MCF2L2: variants seen among roughly 807,000 people sequenced by gnomAD.
The protein encoded by MCF2L2 is MCF.2 cell line derived transforming sequence-like 2.
A neutral mutation model predicts 150.2 loss-of-function variants in MCF2L2; 102 were observed. The ratio of observed to expected loss-of-function variants is 0.68; its 90% confidence interval spans 0.58 to 0.80. MCF2L2 has a LOEUF of 0.80. MCF2L2 is among the 30% of genes least tolerant of loss of function. The probability of loss-of-function intolerance (pLI) is 0.00; values close to 1 mark genes in which losing one functional copy is unlikely to be tolerated. For synonymous variants in MCF2L2, 465 were observed against 491.3 expected, an observed-to-expected ratio of 0.95 and a Z score of 0.71; for missense variants, 1,256 against 1,372.8, an observed-to-expected ratio of 0.91 and a Z score of 1.34.
chr3:183,414,871 T>A (rs1715507591), intron 1 of MCF2L2, among the ~76,000 whole-genome samples: 1 of 152,238 alleles, frequency 6.6e-6, no homozygotes, highest in Non-Finnish European at 1.5e-5. Context: ...TTCCTTCTGT[T>A]GTTGATTTCT....
chr3:183,310,078 C>T (rs1271174199), intron 9 of MCF2L2, among the ~76,000 whole-genome samples: 1 of 152,102 alleles, frequency 6.6e-6, no homozygotes, highest in Non-Finnish European at 1.5e-5. Context: ...AAAAGGAAGA[C>T]AGCTGGGTCC....
intron 25 of MCF2L2, among the ~76,000 whole-genome samples, chr3:183,199,621 C>CT (rs1163310933): frequency 0.034 from 4,821 of 141,518 alleles, 228 homozygotes; most frequent in African/African-American, 0.11. Flanking sequence ...TTTTTTTTTC[C>CT]TTTTTTTTTT....
At chr3:183,320,577 G>T (rs184276103) in intron 6 of MCF2L2, among the ~76,000 whole-genome samples, 2 of 152,234 alleles carry the variant, frequency 1.3e-5, no homozygotes, top group Admixed American at 6.5e-5. Flanking sequence ...TAATAAAGTT[G>T]AAGAGAACTA....
intron 1 of MCF2L2, among the ~76,000 whole-genome samples, chr3:183,427,509 G>A (rs1477875538): frequency 6.6e-6 from 1 of 152,158 alleles, no homozygotes; most frequent in Non-Finnish European, 1.5e-5. Flanking sequence ...AATCATTTCT[G>A]CTGAAAAGCA....
intron 12 of MCF2L2, chr3:183,296,130 C>G (rs1373222690): frequency 6.6e-6 from 1 of 152,434 alleles, no homozygotes; most frequent in Non-Finnish European, 1.5e-5. Flanking sequence ...TCTTCTCTTC[C>G]TTTCTTTGTG....
intron 15 of MCF2L2, among the ~76,000 whole-genome samples, chr3:183,268,422 G>C (rs1049394059): frequency 6.6e-6 from 1 of 152,160 alleles, no homozygotes; most frequent in African/African-American, 2.4e-5. Context: ...GTCTGGGTGA[G>C]AAGTGATGAT....
chr3:183,290,735 C>T (rs1397256904), intron 13 of MCF2L2, among the ~76,000 whole-genome samples: 6 of 152,074 alleles, frequency 3.9e-5, no homozygotes, highest in Admixed American at 2.6e-4. Flanking sequence ...AGTTTTACCA[C>T]GTTGGACAGG....
intron 1 of MCF2L2, 141 bp downstream of exon 1, chr3:183,427,761 G>C: frequency 1.4e-6 from 1 of 731,296 alleles, no homozygotes; most frequent in Non-Finnish European, 2.4e-6. Context: ...AGGACCCAGA[G>C]CAGCGAGGCC....
chr3:183,192,221 C>T (rs187563450), intron 27 of MCF2L2, among the ~76,000 whole-genome samples: 1 of 151,506 alleles, frequency 6.6e-6, no homozygotes, highest in Non-Finnish European at 1.5e-5. Flanking sequence ...CTCACTGCAA[C>T]CTCCGCCTCC....
intron 10 of MCF2L2, among the ~76,000 whole-genome samples, chr3:183,307,465 C>T (rs958449136): frequency 8.5e-5 from 13 of 152,224 alleles, no homozygotes; most frequent in East Asian, 1.9e-4. Context: ...GAAATAAGAT[C>T]TGCAAGTCAT....
At position 183,227,498 on chromosome 3, in the gene MCF2L2, G is replaced by A. The variant is rs1472696159; in HGVS notation, c.2115+799C>T. Reference sequence around the variant, plus strand: ...GTAAAAAATAGAATGGAAAGAAAATGTATTTCCTGAGGTTTTTAGTTTAAC... The same window carrying A: ...GTAAAAAATAGAATGGAAAGAAAATATATTTCCTGAGGTTTTTAGTTTAAC... On this transcript the variant is annotated intron_variant, in intron 18 of 29. Transcript: ENST00000328913. The surrounding 1 kb of genome is among the most constrained non-coding windows in gnomAD (Gnocchi z 4.0). 4 of 152,248 alleles carry A rather than the reference G, an allele frequency of 2.6e-5. No individual in the cohort carries two copies. Among genetic ancestry groups the A allele is most frequent in the Admixed American group, 6.5e-5 (1 of 15,284 alleles). The allele number at this position is 152,248 out of a possible 1,614,324, so 9.4% of individuals were successfully genotyped here. A position where few individuals can be genotyped will look rare whatever the true frequency, so the allele number is the denominator to read the frequency against.
chr3:183,354,662 C>T (rs1711655036), intron 3 of MCF2L2, among the ~76,000 whole-genome samples: 1 of 152,202 alleles, frequency 6.6e-6, no homozygotes, highest in African/African-American at 2.4e-5. Flanking sequence ...CTGGACCAAA[C>T]CAATGTACAT....
chr3:183,383,692 A>C (rs2108592107), intron 2 of MCF2L2, among the ~76,000 whole-genome samples: 1 of 152,340 alleles, frequency 6.6e-6, no homozygotes, highest in Admixed American at 6.5e-5. Flanking sequence ...GCATGTGGAA[A>C]TACATACTAT....
chr3:183,284,053 C>A lies in MCF2L2; in HGVS notation c.1776+5067G>T, dbSNP rs149754644. 4.8e-3 allele frequency among the ~76,000 whole-genome samples: 729 copies of A among 152,208 alleles called. 5 individuals carry two copies. Among genetic ancestry groups the A allele is most frequent in the African/African-American group, 0.017 (701 of 41,512 alleles). ...ATTTTCATATGACTCACAGCAATTG[C>A]CTTAGTATATATTAAATTGAGCTGA... On this transcript the variant is annotated intron_variant, in intron 14 of 29. Coordinates refer to ENST00000328913, the MANE Select transcript of MCF2L2 (RefSeq NM_015078.4).
At position 183,194,343 on chromosome 3, in the gene MCF2L2, G is replaced by GT. The variant is rs1560334507; in HGVS notation, c.2918+878dup. Among the ~76,000 whole-genome samples, 6 of 152,322 alleles carry GT rather than the reference G, an allele frequency of 3.9e-5. No homozygotes were observed. The South Asian group carries it at 1.0e-3, about 26-fold the overall frequency. ...GGAAGAGGAATTATAGACGAAGATTGTAAGTCGCAGTAATAGATGAGGCAA... is the reference window on the plus strand; with the variant it reads ...GGAAGAGGAATTATAGACGAAGATTGTTAAGTCGCAGTAATAGATGAGGCAA... On this transcript the variant is annotated intron_variant, in intron 26 of 29. Coordinates refer to ENST00000328913, the MANE Select transcript of MCF2L2 (RefSeq NM_015078.4).
At chr3:183,338,949 A>G (rs1428744198) in intron 4 of MCF2L2, 30 bp from the exon 5 acceptor site, 13 of 1,583,172 alleles carry the variant, frequency 8.2e-6, no homozygotes, top group Non-Finnish European at 1.1e-5. Context: ...TGTCAGGAGG[A>G]GAGAGAAAAA....
At chr3:183,400,501 AG>A (rs1232132592) in intron 1 of MCF2L2, 2 of 456,396 alleles carry the variant, frequency 4.4e-6, no homozygotes, top group Admixed American at 4.7e-5. Flanking sequence ...ACTGGATTCC[AG>A]GAAACGGCGC....
chr3:183,321,834 A>G (rs1388360958), intron 6 of MCF2L2, among the ~76,000 whole-genome samples: 1 of 152,272 alleles, frequency 6.6e-6, no homozygotes, highest in Non-Finnish European at 1.5e-5. Context: ...GGCCTATAAC[A>G]AAAACACCTT....
chr3:183,263,396 A>T (rs1457210618), intron 15 of MCF2L2, among the ~76,000 whole-genome samples: 1 of 152,072 alleles, frequency 6.6e-6, no homozygotes, highest in Admixed American at 6.5e-5. Flanking sequence ...GCACAACCCT[A>T]ACTATATGGT....
Sources: allele counts gnomAD v4.1 joint callset (sites outside exome capture counted in the v4.1 genomes callset), GRCh38; gene constraint gnomAD v4.1.1; non-coding constraint Gnocchi (gnomAD v3.1); transcripts MANE v1.5; gene names NCBI Gene and HGNC (gene_info 2026-07-23, HGNC 2026-07-21).